CCDC122: variants seen among roughly 807,000 people sequenced by gnomAD.
CCDC122 encodes coiled-coil domain-containing protein 122.
Under a neutral mutation model 37.0 loss-of-function variants are expected in CCDC122, and 38 were observed. That is an observed-to-expected ratio of 1.03 (90% CI 0.79 to 1.35). CCDC122 has a LOEUF of 1.35. CCDC122 is among the 40% of genes most tolerant of loss of function. CCDC122 has a pLI of 0.00. For synonymous variants in CCDC122, 83 were observed against 95.6 expected, an observed-to-expected ratio of 0.87 and a Z score of 0.77; for missense variants, 305 against 310.0, an observed-to-expected ratio of 0.98 and a Z score of 0.12.
intron 6 of CCDC122, among the ~76,000 whole-genome samples, chr13:43,847,805 T>C (rs1023043555): frequency 1.3e-5 from 2 of 152,158 alleles, no homozygotes; most frequent in Non-Finnish European, 2.9e-5. Flanking sequence ...GACAGGGTCT[T>C]GCTCTGTTGC....
At chr13:43,843,691 G>C (rs1332296627) in intron 6 of CCDC122, among the ~76,000 whole-genome samples, 1 of 151,866 alleles carries the variant, frequency 6.6e-6, no homozygotes, top group African/African-American at 2.4e-5. Flanking sequence ...GTGTCAGTTG[G>C]AGCCTTATAT....
intron 6 of CCDC122, among the ~76,000 whole-genome samples, chr13:43,846,160 C>T (rs543385771): frequency 7.2e-5 from 11 of 152,124 alleles, no homozygotes; most frequent in Admixed American, 2.0e-4. Flanking sequence ...CTGCAACCTC[C>T]GCCTCCCAGG....
At position 43,859,671 on chromosome 13, in the gene CCDC122, C is replaced by A; in HGVS notation, c.555+1G>T. 1 of 1,509,502 alleles carries A rather than the reference C, an allele frequency of 6.6e-7. No individual in the cohort carries two copies. The highest frequency in any genetic ancestry group is 8.8e-7 in the Non-Finnish European group (1 of 1,134,306). The allele number at this position is 1,509,502 out of a possible 1,614,324, so 93.5% of individuals were successfully genotyped here. A position where few individuals can be genotyped will look rare whatever the true frequency, so the allele number is the denominator to read the frequency against. The stretch of plus-strand genomic sequence containing the variant: ...TAGTTTTACTAAGTAATTTTGCACA[C>A]CTGTACTTGTGTTATTCGGTTCCCT... On this transcript the variant is annotated splice_donor_variant, in intron 5 of 6. Transcript: ENST00000444614. LOFTEE classifies it high-confidence loss of function.
intron 4 of CCDC122, among the ~76,000 whole-genome samples, chr13:43,860,388 C>T (rs1954067455): frequency 2.0e-5 from 3 of 152,128 alleles, no homozygotes; most frequent in South Asian, 4.1e-4. Context: ...GAAGTATACA[C>T]TCAGGGAAGA....
In CCDC122 at chr13:43,836,572, C is replaced by G. The variant is rs553295637; in HGVS notation, c.*708G>C. The G allele has an allele frequency of 1.3e-5, 2 of 152,018 alleles. No homozygotes were observed. The highest frequency in any genetic ancestry group is 2.4e-5 in the African/African-American group (1 of 41,408). The allele number at this position is 152,018 out of a possible 1,614,324, so 9.4% of individuals were successfully genotyped here. On this transcript the variant is annotated 3_prime_UTR_variant, in exon 7 of 7. Transcript: ENST00000444614. ...TTCCAATAAAAAGTTCGAAACAGGC[C>G]GGGCGCGGTGGCTCACGCCTGTAAT...
chr13:43,868,724 T>C lies in CCDC122; in HGVS notation c.126A>G (p.Glu42=), dbSNP rs1475013814. The change falls in exon 4 of 7, where the codon GAA becomes GAG. Residue 42 remains glutamate (E), a synonymous_variant. Transcript: ENST00000444614. ...KQQQSQASEI[E]KNKKVLFNLK... ...AATTGAACAGAACCTTTTTGTTTTT[T>C]TCTATCTCTGATGCTTGTGATTGTT... 6.4e-7 allele frequency: 1 copy of C among 1,560,914 alleles called. No individual in the cohort carries two copies. Among genetic ancestry groups the C allele is most frequent in the Non-Finnish European group, 8.7e-7 (1 of 1,153,442 alleles).
chr13:43,871,094 T>G (rs906052020), intron 2 of CCDC122, among the ~76,000 whole-genome samples: 1 of 152,150 alleles, frequency 6.6e-6, no homozygotes, highest in African/African-American at 2.4e-5. Context: ...ACTAGTTTGG[T>G]TGAAAATACT....
Position 43,859,969 on chromosome 13 carries a change from G to T in CCDC122, c.258C>A (p.Thr86=). ...IYQQDSAIEN[T]KLHCDSLETQ... is the part of the protein sequence containing the mutation. ...TTTCCAGGCTATCACAATGAAGTTT[G>T]GTATTCTCTATGGCAGAATCTTGTT... Residue 86 remains threonine, a synonymous_variant, in exon 5 of 7, where the codon ACC becomes ACA. Coordinates refer to ENST00000444614, the MANE Select transcript of CCDC122 (RefSeq NM_144974.5). 6.2e-7 allele frequency: 1 copy of T among 1,607,970 alleles called. No homozygotes were observed. The highest frequency in any genetic ancestry group is 8.5e-7 in the Non-Finnish European group (1 of 1,177,000).
intron 6 of CCDC122, among the ~76,000 whole-genome samples, chr13:43,844,529 A>G (rs1953454521): frequency 2.0e-5 from 3 of 152,070 alleles, no homozygotes; most frequent in Admixed American, 2.0e-4. Flanking sequence ...AAGTTCTTCA[A>G]ATCTTCTATA....
At position 43,868,708 on chromosome 13, in the gene CCDC122, G is replaced by C; in HGVS notation, c.142C>G (p.Leu48Val). The change falls in exon 4 of 7, where the codon CTG becomes GTG. Residue 48 changes from leucine (L) to valine (V), a missense_variant. Transcript: ENST00000444614. ...ASEIEKNKKV[L>V]FNLKNELHEL... Reference sequence around the variant, plus strand: ...AAAGAAGTTACCTTCAAATTGAACAGAACCTTTTTGTTTTTTTCTATCTCT... The same window carrying C: ...AAAGAAGTTACCTTCAAATTGAACACAACCTTTTTGTTTTTTTCTATCTCT... 6.5e-7 allele frequency: 1 copy of C among 1,549,310 alleles called. No individual in the cohort carries two copies. The highest frequency in any genetic ancestry group is 2.3e-5 in the East Asian group (1 of 42,740).
At chr13:43,866,961 A>G (rs1196565724) in intron 4 of CCDC122, among the ~76,000 whole-genome samples, 1 of 152,160 alleles carries the variant, frequency 6.6e-6, no homozygotes, top group Non-Finnish European at 1.5e-5. Flanking sequence ...TACCAGTACC[A>G]TCCTGAATAG....
At chr13:43,852,593 C>T (rs1348918600) in intron 6 of CCDC122, among the ~76,000 whole-genome samples, 2 of 151,970 alleles carry the variant, frequency 1.3e-5, no homozygotes, top group African/African-American at 2.4e-5. Context: ...ACTTCCCCAA[C>T]CTAGCTAGAG....
Position 43,837,170 on chromosome 13 carries a change from A to C in CCDC122, c.*110T>G, listed in dbSNP as rs1953192040. ...AACCGAAGACATCTGTCATTAAGACAGGTCTCTAATAGTGGATGCTTGTTA... is the reference window on the plus strand; with the variant it reads ...AACCGAAGACATCTGTCATTAAGACCGGTCTCTAATAGTGGATGCTTGTTA... On this transcript the variant is annotated 3_prime_UTR_variant, in exon 7 of 7. Coordinates refer to ENST00000444614, the MANE Select transcript of CCDC122 (RefSeq NM_144974.5). 1.9e-6 allele frequency: 2 copies of C among 1,039,278 alleles called. No homozygotes were observed. Among genetic ancestry groups the C allele is most frequent in the Admixed American group, 2.6e-5 (1 of 39,038 alleles). 64.4% of individuals were successfully genotyped at this position (1,039,278 alleles called of 1,614,324 possible).
Position 43,869,435 on chromosome 13 carries a change from T to TAATC in CCDC122, c.-63_-60dup, listed in dbSNP as rs1256095442. ...ATTTACCTTCTTTACTCCTACTCAA[T>TAATC]AATCTATATTGATAATCTTTCACTT... is the stretch of plus-strand genomic sequence containing the variant. On this transcript the variant is annotated 5_prime_UTR_variant, in exon 3 of 7. Transcript: ENST00000444614. 3.7e-5 allele frequency: 49 copies of TAATC among 1,325,788 alleles called. No homozygotes were observed. In the African/African-American group the frequency reaches 6.2e-4, roughly 17 times the overall value. 82.1% of individuals were successfully genotyped at this position (1,325,788 alleles called of 1,614,324 possible).
chr13:43,864,794 T>C, intron 4 of CCDC122, among the ~76,000 whole-genome samples: 1 of 152,094 alleles, frequency 6.6e-6, no homozygotes, highest in East Asian at 1.9e-4. Flanking sequence ...TGATCTTTTG[T>C]TCGAATGAAT....
chr13:43,871,404 A>T (rs1954448119), intron 2 of CCDC122, among the ~76,000 whole-genome samples: 1 of 151,970 alleles, frequency 6.6e-6, no homozygotes, highest in Non-Finnish European at 1.5e-5. Flanking sequence ...TTTCCTGGCG[A>T]GTCCCCATTT....
intron 6 of CCDC122, among the ~76,000 whole-genome samples, chr13:43,849,623 A>G (rs1276196464): frequency 2.6e-5 from 4 of 152,222 alleles, no homozygotes; most frequent in African/African-American, 4.8e-5. Flanking sequence ...AATTTGTTCT[A>G]TCTAGCCAAA....
At chr13:43,839,951 A>G (rs1344763487) in intron 6 of CCDC122, among the ~76,000 whole-genome samples, 1 of 152,210 alleles carries the variant, frequency 6.6e-6, no homozygotes, top group Non-Finnish European at 1.5e-5. Flanking sequence ...AGTAAATTTG[A>G]GGTACAGGAA....
exon 4 of CCDC122, chr13:43,823,968 G>A (rs1050807974): frequency 7.2e-5 from 11 of 152,206 alleles, no homozygotes; most frequent in African/African-American, 2.7e-4. Flanking sequence ...GCTCCTGCTT[G>A]GGGAATGAGT....
Sources: allele counts gnomAD v4.1 joint callset (sites outside exome capture counted in the v4.1 genomes callset), GRCh38; gene constraint gnomAD v4.1.1; transcripts MANE v1.5; gene names NCBI Gene and HGNC (gene_info 2026-07-23, HGNC 2026-07-21).